Variants in CADM2 observed in about 807,000 individuals in gnomAD.
CADM2 encodes the protein immunoglobulin superfamily member 4D.
A neutral mutation model predicts 49.8 loss-of-function variants in CADM2; 12 were observed. The observed-to-expected ratio is 0.24, with a 90% CI of 0.15 to 0.39. CADM2 has a LOEUF of 0.39. Among genes scored for constraint, CADM2 ranks in the 10% least tolerant of loss-of-function variants. The pLI is 1.00. For synonymous variants in CADM2, 214 were observed against 175.4 expected (o/e 1.22, Z -1.74); for missense variants, 378 against 492.3 (o/e 0.77, Z 2.20).
At chr3:85,098,769 C>T (rs192135941) in intron 1 of CADM2, among the ~76,000 whole-genome samples, 2 of 152,186 alleles carry the variant, frequency 1.3e-5, no homozygotes, top group African/African-American at 4.8e-5. Context: ...TGTGCATATG[C>T]TTGCTCCGCA....
intron 1 of CADM2, among the ~76,000 whole-genome samples, chr3:84,966,640 A>G (rs2031016180): frequency 6.6e-6 from 1 of 152,090 alleles, no homozygotes; most frequent in Admixed American, 6.5e-5. Flanking sequence ...TACTACTTGA[A>G]TAGATACAGA....
chr3:85,387,764 T>C (rs1336562377), intron 1 of CADM2, among the ~76,000 whole-genome samples: 2 of 152,178 alleles, frequency 1.3e-5, no homozygotes, highest in African/African-American at 2.4e-5. Context: ...TGTGTGATCA[T>C]TTTTTCAATA....
chr3:86,041,880 G>A (rs954020366), intron 8 of CADM2, among the ~76,000 whole-genome samples: 11 of 152,234 alleles, frequency 7.2e-5, no homozygotes, highest in African/African-American at 2.4e-4. Flanking sequence ...CAAACTGTCT[G>A]TCAGATCACA....
intron 1 of CADM2, among the ~76,000 whole-genome samples, chr3:85,092,860 G>A (rs1314754122): frequency 1.3e-5 from 2 of 152,152 alleles, no homozygotes; most frequent in South Asian, 2.1e-4. Context: ...CAGACTTTAC[G>A]ACAAGGTGCA....
At position 85,858,609 on chromosome 3, in the gene CADM2, G is replaced by A. The variant is rs560858387; in HGVS notation, c.239-24682G>A. ...GCCCAGATGGCTGAAATGTTGGCAG[G>A]TTTCTGCACCTGCAATGATAATAAA... On this transcript the variant is annotated intron_variant, in intron 3 of 9. Coordinates refer to ENST00000383699, the MANE Select transcript of CADM2 (RefSeq NM_001167675.2). Among the ~76,000 whole-genome samples, 3 of 152,278 alleles carry A rather than the reference G, an allele frequency of 2.0e-5. No homozygotes were observed. The East Asian group carries it at 5.8e-4, about 29-fold the overall frequency.
At chr3:85,783,816 G>A (rs1559654301) in intron 2 of CADM2, among the ~76,000 whole-genome samples, 1 of 152,146 alleles carries the variant, frequency 6.6e-6, no homozygotes, top group East Asian at 1.9e-4. Flanking sequence ...ACTTTGCTTA[G>A]AGATATTTGA....
intron 1 of CADM2, among the ~76,000 whole-genome samples, chr3:85,059,040 C>T (rs1404970410): frequency 6.6e-6 from 1 of 151,760 alleles, no homozygotes; most frequent in Non-Finnish European, 1.5e-5. Flanking sequence ...GAGATTGACA[C>T]CATCCTGCCT....
chr3:85,507,512 A>G (rs971748578), intron 1 of CADM2, among the ~76,000 whole-genome samples: 11 of 152,176 alleles, frequency 7.2e-5, no homozygotes, highest in African/African-American at 2.7e-4. Context: ...ACAAAAAAAT[A>G]CATTATATCT....
At chr3:85,762,249 G>T (rs1201694528) in intron 2 of CADM2, among the ~76,000 whole-genome samples, 1 of 152,072 alleles carries the variant, frequency 6.6e-6, no homozygotes, top group Non-Finnish European at 1.5e-5. Flanking sequence ...TGACACAATA[G>T]TCCCCCTTGA....
At chr3:85,356,165 T>C (rs1046931236) in intron 1 of CADM2, among the ~76,000 whole-genome samples, 1 of 152,048 alleles carries the variant, frequency 6.6e-6, no homozygotes, top group Non-Finnish European at 1.5e-5. Context: ...TATCAGATAA[T>C]TTCAACAAAT....
At chr3:85,816,152 G>A (rs978384044) in intron 3 of CADM2, among the ~76,000 whole-genome samples, 11 of 150,376 alleles carry the variant, frequency 7.3e-5, no homozygotes, top group African/African-American at 2.7e-4. Flanking sequence ...TTAATAATTT[G>A]CATCAGACTT....
At chr3:85,108,436 C>T (rs922041366) in intron 1 of CADM2, among the ~76,000 whole-genome samples, 1 of 151,956 alleles carries the variant, frequency 6.6e-6, no homozygotes, top group African/African-American at 2.4e-5. Flanking sequence ...GGGAAATAAG[C>T]CATAAAAAGA....
At chr3:85,276,003 T>TA (rs2043348520) in intron 1 of CADM2, among the ~76,000 whole-genome samples, 1 of 151,308 alleles carries the variant, frequency 6.6e-6, no homozygotes, top group South Asian at 2.1e-4. Flanking sequence ...GTACTACTGT[T>TA]ACTGTCACTT....
At chr3:85,433,899 T>A (rs1045178942) in intron 1 of CADM2, among the ~76,000 whole-genome samples, 4 of 152,100 alleles carry the variant, frequency 2.6e-5, no homozygotes, top group Non-Finnish European at 5.9e-5. Context: ...GTAACCAATT[T>A]GTTCTCCCGC....
At chr3:85,509,897 T>TAA (rs2040534113) in intron 1 of CADM2, among the ~76,000 whole-genome samples, 2 of 152,006 alleles carry the variant, frequency 1.3e-5, no homozygotes, top group African/African-American at 4.8e-5. Flanking sequence ...TATAAAATAA[T>TAA]GGAAGAATCT....
chr3:85,046,757 T>G (rs1293134891), intron 1 of CADM2, among the ~76,000 whole-genome samples: 1 of 152,092 alleles, frequency 6.6e-6, no homozygotes. Context: ...GTTTTTAAAA[T>G]GCTTTCCAAG....
chr3:85,565,268 A>G (rs2062224190), intron 1 of CADM2, among the ~76,000 whole-genome samples: 1 of 152,114 alleles, frequency 6.6e-6, no homozygotes, highest in South Asian at 2.1e-4. Flanking sequence ...CACATTTTAA[A>G]CTATTTGCAT....
intron 1 of CADM2, among the ~76,000 whole-genome samples, chr3:85,296,867 C>T (rs2043977589): frequency 6.6e-6 from 1 of 151,926 alleles, no homozygotes; most frequent in Non-Finnish European, 1.5e-5. Context: ...CCTTCAAGAC[C>T]CAATGCATGA....
chr3:85,034,229 TCTAA>T (rs1046004852), intron 1 of CADM2, among the ~76,000 whole-genome samples: 10 of 152,274 alleles, frequency 6.6e-5, no homozygotes, highest in Non-Finnish European at 1.0e-4. Flanking sequence ...ATTCATTCTA[TCTAA>T]CTATATTTTT....
Sources: gnomAD v4.1 joint callset for allele counts (sites outside exome capture counted in the v4.1 genomes callset) on GRCh38, gnomAD v4.1.1 for gene constraint, MANE v1.5 for transcripts, NCBI Gene and HGNC (gene_info 2026-07-23, HGNC 2026-07-21) for gene names.